Variants in DENND1B observed in about 807,000 individuals in gnomAD.
DENND1B encodes DENN domain-containing protein 1B.
A neutral mutation model predicts 90.1 loss-of-function variants in DENND1B; 59 were observed. That is an observed-to-expected ratio of 0.65 (90% CI 0.53 to 0.81). The LOEUF (loss-of-function observed/expected upper bound fraction) is 0.81, where lower values mean the gene tolerates loss of function less well. DENND1B is among the 40% of genes least tolerant of loss of function. The pLI, the probability that DENND1B is intolerant of heterozygous loss-of-function variation, is 0.00. For synonymous variants in DENND1B, 337 were observed against 324.6 expected (o/e 1.04, Z -0.41); for missense variants, 862 against 912.6 (o/e 0.94, Z 0.71).
intron 22 of DENND1B, 114 bp from the exon 23 acceptor site, chr1:197,511,086 C>G: frequency 9.2e-7 from 1 of 1,089,190 alleles, no homozygotes; most frequent in Non-Finnish European, 1.2e-6. Flanking sequence ...AGAGAAAATA[C>G]AGCATTGAGA....
intron 3 of DENND1B, 39 bp downstream of exon 3, chr1:197,714,992 T>A: frequency 1.3e-6 from 2 of 1,512,372 alleles, no homozygotes; most frequent in Non-Finnish European, 1.8e-6. Context: ...ATCATAATAC[T>A]TCAACTTTAA....
chr1:197,770,914 A>AT (rs113477593), intron 2 of DENND1B, among the ~76,000 whole-genome samples: 2,332 of 136,366 alleles, frequency 0.017, 33 homozygotes, highest in Middle Eastern at 0.034. Context: ...ATCTATATAG[A>AT]TTTTTTTTTT....
At chr1:197,747,230 CT>C in intron 2 of DENND1B, 1 of 667,982 alleles carries the variant, frequency 1.5e-6, no homozygotes. Context: ...TTCTACATAT[CT>C]AGGGGAATTC....
intron 5 of DENND1B, among the ~76,000 whole-genome samples, chr1:197,669,690 T>C (rs371765687): frequency 1.3e-5 from 2 of 152,120 alleles, no homozygotes; most frequent in African/African-American, 2.4e-5. Context: ...AGCTGAAGAA[T>C]AGAATTTTCT....
chr1:197,718,125 T>C (rs115549264), intron 2 of DENND1B, among the ~76,000 whole-genome samples: 1,939 of 152,112 alleles, frequency 0.013, 23 homozygotes, highest in Non-Finnish European at 0.018. Context: ...CAGCTTTCTT[T>C]ATTGAGATGT....
intron 10 of DENND1B, among the ~76,000 whole-genome samples, chr1:197,627,558 C>T (rs1274738883): frequency 6.6e-6 from 1 of 151,912 alleles, no homozygotes; most frequent in Non-Finnish European, 1.5e-5. Context: ...TATGACAAAC[C>T]CACAGCCAAT....
chr1:197,617,350 C>A (rs1558310772), intron 11 of DENND1B, among the ~76,000 whole-genome samples: 1 of 151,054 alleles, frequency 6.6e-6, no homozygotes, highest in East Asian at 1.9e-4. Flanking sequence ...TAACTGACAC[C>A]ATAACTTCTA....
Position 197,511,927 on chromosome 1 carries a change from C to A in DENND1B, c.1616G>T (p.Gly539Val). 6.2e-7 allele frequency: 1 copy of A among 1,605,194 alleles called. No homozygotes were observed. The highest frequency in any genetic ancestry group is 1.7e-4 in the Middle Eastern group (1 of 5,994). ...ERASKLSSED[G>V]EEASAYLYES... is the part of the protein sequence containing the mutation. The stretch of plus-strand genomic sequence containing the variant: ...ATAGAGATAAGCAGAAGCTTCTTCA[C>A]CATCTTCAGAAGATAACCTGAAGAA... The change falls in exon 22 of 23, where the codon GGT (glycine) becomes GTT (valine). Residue 539 changes from glycine (G) to valine (V), a missense_variant. By Grantham distance (109) the Gly-to-Val change is moderately radical. Transcript: ENST00000620048.
intron 11 of DENND1B, 68 bp from the exon 12 acceptor site, chr1:197,612,044 A>G: frequency 8.2e-7 from 1 of 1,221,648 alleles, no homozygotes; most frequent in Non-Finnish European, 1.2e-6. Flanking sequence ...AGTATAAGTA[A>G]TTCAAAATGA....
At chr1:197,513,019 A>C in intron 20 of DENND1B, 66 bp from the exon 21 acceptor site, 1 of 1,359,982 alleles carries the variant, frequency 7.4e-7, no homozygotes, top group South Asian at 1.3e-5. Flanking sequence ...AGCAAATTTT[A>C]AAGCAACAAT....
chr1:197,714,914 A>G (rs1206444728), intron 3 of DENND1B, 117 bp downstream of exon 3: 1 of 761,440 alleles, frequency 1.3e-6, no homozygotes, highest in African/African-American at 1.8e-5. Flanking sequence ...TGATCAAGAG[A>G]AAATAATTTT....
intron 2 of DENND1B, among the ~76,000 whole-genome samples, chr1:197,746,209 C>G (rs2102389080): frequency 6.6e-6 from 1 of 152,172 alleles, no homozygotes. Flanking sequence ...CTAACCAACA[C>G]AGCAAAACCC....
chr1:197,746,832 C>T, intron 2 of DENND1B: 2 of 1,611,564 alleles, frequency 1.2e-6, no homozygotes, highest in Non-Finnish European at 1.7e-6. Flanking sequence ...TTGGGGGCAG[C>T]CTGTGAATTT....
intron 7 of DENND1B, among the ~76,000 whole-genome samples, chr1:197,651,481 T>C (rs1653163504): frequency 6.6e-6 from 1 of 151,974 alleles, no homozygotes; most frequent in Admixed American, 6.6e-5. Flanking sequence ...TATTACTGTA[T>C]AGGGAAAACA....
At chr1:197,555,221 C>T (rs1169318842) in intron 15 of DENND1B, among the ~76,000 whole-genome samples, 1 of 151,936 alleles carries the variant, frequency 6.6e-6, no homozygotes, top group African/African-American at 2.4e-5. Context: ...AGACCTCAAA[C>T]TAAAAACCTT....
At chr1:197,524,869 T>C (rs1392612438) in intron 20 of DENND1B, among the ~76,000 whole-genome samples, 1 of 152,164 alleles carries the variant, frequency 6.6e-6, no homozygotes, top group Non-Finnish European at 1.5e-5. Context: ...AATCTGCATA[T>C]TAGATTTTAG....
intron 5 of DENND1B, among the ~76,000 whole-genome samples, chr1:197,660,226 A>G (rs1425537775): frequency 2.0e-5 from 3 of 151,998 alleles, no homozygotes; most frequent in Admixed American, 2.0e-4. Flanking sequence ...TGTAAGTTCT[A>G]TTCCTAGGTA....
At chr1:197,696,876 G>A (rs1257804078) in intron 3 of DENND1B, among the ~76,000 whole-genome samples, 3 of 149,064 alleles carry the variant, frequency 2.0e-5, no homozygotes, top group Non-Finnish European at 4.5e-5. Flanking sequence ...ATACAGCCTA[G>A]GAGAGACAGA....
At chr1:197,598,631 A>C (rs977169380) in intron 13 of DENND1B, among the ~76,000 whole-genome samples, 13 of 151,818 alleles carry the variant, frequency 8.6e-5, no homozygotes. Flanking sequence ...ATGAAATCCT[A>C]AGGCTTATAC....
Sources: gnomAD v4.1 joint callset for allele counts (sites outside exome capture counted in the v4.1 genomes callset) on GRCh38, gnomAD v4.1.1 for gene constraint, MANE v1.5 for transcripts, NCBI Gene and HGNC (gene_info 2026-07-23, HGNC 2026-07-21) for gene names.